Variants in CD164 observed in about 807,000 individuals in gnomAD.
CD164 encodes CD164 molecule, also known as sialomucin core protein 24.
Under a neutral mutation model 24.6 loss-of-function variants are expected in CD164, and 11 were observed. The observed-to-expected ratio is 0.45, with a 90% CI of 0.28 to 0.74. The LOEUF is 0.74. CD164 is among the 30% of genes least tolerant of loss of function. CD164 has a pLI of 0.13. For synonymous variants in CD164, 126 were observed against 100.3 expected (o/e 1.26, Z -1.53); for missense variants, 295 against 243.7 (o/e 1.21, Z -1.40).
chr6:109,375,888 A>T, intron 4 of CD164, 186 bp downstream of exon 4: 1 of 549,294 alleles, frequency 1.8e-6, no homozygotes, highest in East Asian at 3.3e-5. Context: ...ACTATAAAAC[A>T]CTGGAGCTAT....
intron 4 of CD164, chr6:109,370,941 T>G (rs1771043210): frequency 6.3e-6 from 1 of 159,338 alleles, no homozygotes; most frequent in South Asian, 1.9e-4. Context: ...ATTTTACTCT[T>G]TGGGCACTGT....
At chr6:109,381,179 T>A (rs1771717261) in intron 1 of CD164, among the ~76,000 whole-genome samples, 1 of 152,208 alleles carries the variant, frequency 6.6e-6, no homozygotes, top group Admixed American at 6.5e-5. Context: ...CCTCTAGTGT[T>A]TCTCCCGCTT....
intron 5 of CD164, 68 bp from the exon 6 acceptor site, chr6:109,369,085 A>T: frequency 7.4e-7 from 1 of 1,343,606 alleles, no homozygotes; most frequent in Non-Finnish European, 1.0e-6. Flanking sequence ...TTAAAGATGC[A>T]CCTGAGCCTC....
intron 1 of CD164, 86 bp from the exon 2 acceptor site, chr6:109,379,748 T>C: frequency 1.0e-6 from 1 of 982,070 alleles, no homozygotes; most frequent in South Asian, 1.4e-5. Flanking sequence ...TTTTGAACAA[T>C]AAGCATTACA....
At chr6:109,369,079 A>AGATGCACCAAG in intron 5 of CD164, 62 bp from the exon 6 acceptor site, 1 of 1,407,948 alleles carries the variant, frequency 7.1e-7, no homozygotes, top group South Asian at 1.3e-5. Context: ...TGTAATTTAA[A>AGATGCACCAAG]GATGCACCTG....
chr6:109,374,004 A>C (rs1416682143), intron 4 of CD164, among the ~76,000 whole-genome samples: 1 of 152,202 alleles, frequency 6.6e-6, no homozygotes, highest in Non-Finnish European at 1.5e-5. Flanking sequence ...ACAGCATTTG[A>C]CTACTTCTTC....
At chr6:109,369,824 G>A (rs552553977) in intron 5 of CD164, among the ~76,000 whole-genome samples, 1 of 152,248 alleles carries the variant, frequency 6.6e-6, no homozygotes, top group East Asian at 1.9e-4. Flanking sequence ...ATTAGCATCA[G>A]TTTTTTAAAA....
Position 109,368,831 on chromosome 6 carries a change from TATTA to T in CD164, c.*16_*19del, listed in dbSNP as rs753886382. Reference sequence around the variant, plus strand: ...GTTACACAAATGAATCACCAGTCCTTATTAATTCAATGGGTCTGTTTACAGAGTG... The same window carrying T: ...GTTACACAAATGAATCACCAGTCCTTATTCAATGGGTCTGTTTACAGAGTG... On this transcript the variant is annotated 3_prime_UTR_variant, in exon 6 of 6. Transcript: ENST00000310786. 1 of 1,600,838 alleles carries T rather than the reference TATTA, an allele frequency of 6.2e-7. No individual in the cohort carries two copies. The highest frequency in any genetic ancestry group is 1.1e-5 in the South Asian group (1 of 89,262).
intron 4 of CD164, chr6:109,371,261 T>TC (rs1003404765): frequency 2.6e-5 from 4 of 152,268 alleles, no homozygotes; most frequent in African/African-American, 9.7e-5. Flanking sequence ...CACTCTTTTT[T>TC]TTTTTTTGAG....
intron 4 of CD164, among the ~76,000 whole-genome samples, chr6:109,375,354 C>A (rs1305266052): frequency 6.6e-6 from 1 of 152,040 alleles, no homozygotes; most frequent in Non-Finnish European, 1.5e-5. Flanking sequence ...CGGTGGCTCA[C>A]ACCTGTAATC....
At position 109,379,875 on chromosome 6, in the gene CD164, C is replaced by T; in HGVS notation, c.176-213G>A. ...CATTAGAAAAACAAGCTAGTGGTCA[C>T]TCTCAGTACAGTGCCTGATGGTATC... On this transcript the variant is annotated intron_variant, in intron 1 of 5. Coordinates refer to ENST00000310786, the MANE Select transcript of CD164 (RefSeq NM_006016.6). 4 of 479,816 alleles carry T rather than the reference C, an allele frequency of 8.3e-6. No individual in the cohort carries two copies. The South Asian group carries it at 9.6e-5, about 12-fold the overall frequency. The allele number at this position is 479,816 out of a possible 1,614,324, so 29.7% of individuals were successfully genotyped here. A position where few individuals can be genotyped will look rare whatever the true frequency, so the allele number is the denominator to read the frequency against.
At chr6:109,379,768 A>C in intron 1 of CD164, 106 bp from the exon 2 acceptor site, 1 of 744,544 alleles carries the variant, frequency 1.3e-6, no homozygotes, top group Non-Finnish European at 2.2e-6. Context: ...ATACAGCATC[A>C]AAATTACTAA....
At chr6:109,380,047 T>C (rs1246831796) in intron 1 of CD164, 1 of 154,264 alleles carries the variant, frequency 6.5e-6, no homozygotes, top group Admixed American at 6.5e-5. Flanking sequence ...GGAAAACCAC[T>C]ACCCCCAAAC....
chr6:109,379,297 A>G (rs909363915), intron 2 of CD164, among the ~76,000 whole-genome samples: 1 of 151,900 alleles, frequency 6.6e-6, no homozygotes, highest in Non-Finnish European at 1.5e-5. Flanking sequence ...GCTTGAGCCT[A>G]GGATTTCAAG....
chr6:109,369,932 A>T (rs1770983816), intron 5 of CD164, among the ~76,000 whole-genome samples: 1 of 152,224 alleles, frequency 6.6e-6, no homozygotes, highest in African/African-American at 2.4e-5. Context: ...ATCATCATTT[A>T]ATAACAAGCT....
At chr6:109,378,636 A>G (rs1444478691) in intron 2 of CD164, among the ~76,000 whole-genome samples, 2 of 152,186 alleles carry the variant, frequency 1.3e-5, no homozygotes, top group Admixed American at 1.3e-4. Context: ...AACCTTTCCC[A>G]ACAAATCTTA....
chr6:109,370,526 C>A, intron 4 of CD164, 59 bp from the exon 5 acceptor site: 2 of 1,427,400 alleles, frequency 1.4e-6, no homozygotes, highest in South Asian at 1.3e-5. Flanking sequence ...TCCCAGTTAT[C>A]TAACAGCTTT....
Position 109,367,984 on chromosome 6 carries a change from G to A in CD164, c.*867C>T, listed in dbSNP as rs1232101453. On this transcript the variant is annotated 3_prime_UTR_variant, in exon 6 of 6. Transcript: ENST00000310786. ...ATAAGAAAAATGTTGGGAGGTTCAA[G>A]ATACGAAGGCTTTCAATTCTGTATA... 1 of 224,964 alleles carries A rather than the reference G, an allele frequency of 4.4e-6. No individual in the cohort carries two copies. Among genetic ancestry groups the A allele is most frequent in the Non-Finnish European group, 8.7e-6 (1 of 115,504 alleles). 13.9% of individuals were successfully genotyped at this position (224,964 alleles called of 1,614,324 possible).
intron 4 of CD164, chr6:109,370,714 C>A: frequency 2.5e-6 from 1 of 392,666 alleles, no homozygotes; most frequent in Non-Finnish European, 4.7e-6. Flanking sequence ...TGTATAAAAT[C>A]TATGTATACA....
Sources: allele counts gnomAD v4.1 joint callset (sites outside exome capture counted in the v4.1 genomes callset), GRCh38; gene constraint gnomAD v4.1.1; transcripts MANE v1.5; gene names NCBI Gene and HGNC (gene_info 2026-07-23, HGNC 2026-07-21).